KIAA1217: variants seen among roughly 807,000 people sequenced by gnomAD.
KIAA1217 encodes sickle tail protein homolog.
KIAA1217 carries 88 observed loss-of-function variants against 163.9 expected under a neutral mutation model. The observed-to-expected ratio is 0.54, with a 90% CI of 0.45 to 0.64. KIAA1217 has a LOEUF of 0.64. Among genes scored for constraint, KIAA1217 ranks in the 30% least tolerant of loss-of-function variants. KIAA1217 has a pLI of 0.00. For missense variants in KIAA1217, 2,372 were observed against 2,475.0 expected, an observed-to-expected ratio of 0.96 and a Z score of 0.88; for synonymous variants, 903 against 923.1, an observed-to-expected ratio of 0.98 and a Z score of 0.39.
At chr10:23,827,899 T>TG (rs1564456209) in intron 1 of KIAA1217, among the ~76,000 whole-genome samples, 1 of 152,074 alleles carries the variant, frequency 6.6e-6, no homozygotes, top group Admixed American at 6.6e-5. Context: ...GGCCTCTAGG[T>TG]GGTCTTAAAG....
intron 2 of KIAA1217, among the ~76,000 whole-genome samples, chr10:24,311,693 G>T (rs1011434228): frequency 6.6e-6 from 1 of 152,152 alleles, no homozygotes; most frequent in Non-Finnish European, 1.5e-5. Context: ...TTTGAGCTGG[G>T]GTTTCTTGTA....
intron 3 of KIAA1217, among the ~76,000 whole-genome samples, chr10:24,425,549 GT>G (rs1278492530): frequency 6.6e-6 from 1 of 152,154 alleles, no homozygotes; most frequent in African/African-American, 2.4e-5. Context: ...ATAAAATACA[GT>G]TTTTTCACAT....
At chr10:23,790,615 GTATA>G (rs72548156) in intron 1 of KIAA1217, among the ~76,000 whole-genome samples, 1 of 83,534 alleles carries the variant, frequency 1.2e-5, no homozygotes, top group Admixed American at 1.2e-4. Flanking sequence ...ATATACATAT[GTATA>G]TATACATATA....
intron 2 of KIAA1217, among the ~76,000 whole-genome samples, chr10:24,080,239 G>A (rs2061495805): frequency 6.6e-6 from 1 of 152,216 alleles, no homozygotes; most frequent in Non-Finnish European, 1.5e-5. Context: ...CCCTTCTGTT[G>A]GAGATGGCTG....
intron 1 of KIAA1217, among the ~76,000 whole-genome samples, chr10:23,734,739 T>A (rs1216971833): frequency 6.6e-6 from 1 of 152,360 alleles, no homozygotes; most frequent in Non-Finnish European, 1.5e-5. Flanking sequence ...TCATCCATGT[T>A]GCTGCATTTA....
chr10:24,538,566 GAGGAAGGA>G (rs1220062160), intron 17 of KIAA1217, among the ~76,000 whole-genome samples: 397 of 83,950 alleles, frequency 4.7e-3, no homozygotes, highest in Middle Eastern at 0.027. Context: ...GGGAGGGAGG[GAGGAAGGA>G]AGGAAGGAAG....
At chr10:24,126,419 C>T (rs374225846) in intron 2 of KIAA1217, among the ~76,000 whole-genome samples, 1 of 152,080 alleles carries the variant, frequency 6.6e-6, no homozygotes, top group Non-Finnish European at 1.5e-5. Context: ...TCACTTAAAA[C>T]ATGTTAGATA....
At chr10:23,964,565 A>T (rs1844972215) in intron 1 of KIAA1217, among the ~76,000 whole-genome samples, 1 of 151,342 alleles carries the variant, frequency 6.6e-6, no homozygotes, top group Admixed American at 6.6e-5. Flanking sequence ...ACTATGTAAC[A>T]GTTGAATTTT....
intron 2 of KIAA1217, among the ~76,000 whole-genome samples, chr10:24,126,263 T>C (rs943813069): frequency 6.6e-6 from 1 of 152,228 alleles, no homozygotes. Flanking sequence ...TTTCAGATCA[T>C]TGATTATGCT....
At chr10:23,899,159 T>C (rs1841846993) in intron 1 of KIAA1217, among the ~76,000 whole-genome samples, 1 of 152,162 alleles carries the variant, frequency 6.6e-6, no homozygotes, top group Admixed American at 6.5e-5. Flanking sequence ...GTATTCATAT[T>C]GTGTGCACCT....
intron 2 of KIAA1217, among the ~76,000 whole-genome samples, chr10:24,161,655 T>C (rs1407742765): frequency 6.6e-6 from 1 of 152,196 alleles, no homozygotes; most frequent in Non-Finnish European, 1.5e-5. Flanking sequence ...ATAAAGAAAG[T>C]TCAAGTCTAG....
intron 1 of KIAA1217, among the ~76,000 whole-genome samples, chr10:23,809,286 A>G (rs1481179218): frequency 2.0e-5 from 3 of 152,062 alleles, no homozygotes; most frequent in South Asian, 4.1e-4. Flanking sequence ...AACAAGGGAC[A>G]TAGGTTGGGA....
chr10:24,093,713 A>G (rs1373344674), intron 2 of KIAA1217, among the ~76,000 whole-genome samples: 1 of 150,670 alleles, frequency 6.6e-6, no homozygotes, highest in Non-Finnish European at 1.5e-5. Context: ...GGTTAGTTAC[A>G]TATGTATACA....
intron 1 of KIAA1217, among the ~76,000 whole-genome samples, chr10:23,974,450 C>T (rs891923492): frequency 7.2e-5 from 11 of 152,000 alleles, no homozygotes; most frequent in East Asian, 5.8e-4. Context: ...TCTACAAATG[C>T]GGTTATTAAT....
At chr10:23,919,408 C>G (rs1270987596) in intron 1 of KIAA1217, among the ~76,000 whole-genome samples, 1 of 151,876 alleles carries the variant, frequency 6.6e-6, no homozygotes, top group African/African-American at 2.4e-5. Context: ...GAGTTCAAGA[C>G]CAGCCTGGGC....
At chr10:24,001,515 C>T (rs903935253) in intron 1 of KIAA1217, among the ~76,000 whole-genome samples, 42 of 152,018 alleles carry the variant, frequency 2.8e-4, no homozygotes, top group African/African-American at 8.2e-4. Flanking sequence ...TTACTGTATA[C>T]CAGGGAGGTT....
chr10:24,314,767 C>T (rs183741691), intron 2 of KIAA1217, among the ~76,000 whole-genome samples: 4 of 151,792 alleles, frequency 2.6e-5, no homozygotes, highest in Non-Finnish European at 5.9e-5. Context: ...ACAGTGAAAC[C>T]CCATCTCTAC....
chr10:24,438,275 C>T (rs1428808639), intron 4 of KIAA1217, 111 bp from the exon 5 acceptor site: 1 of 737,706 alleles, frequency 1.4e-6, no homozygotes, highest in Non-Finnish European at 2.4e-6. Context: ...CTGTAGATAG[C>T]CTTTGGATTG....
chr10:24,221,749 A>G lies in KIAA1217; in HGVS notation c.354+1840A>G, dbSNP rs138419932. ...TGATTAATTCTTTGATAATTTTAAA[A>G]AGACTCTGGGCACAGTGGTTCATGC... On this transcript the variant is annotated intron_variant, in intron 2 of 20. Transcript: ENST00000376454. 2.6e-3 allele frequency among the ~76,000 whole-genome samples: 397 copies of G among 152,308 alleles called. 3 individuals carry two copies. Among genetic ancestry groups the G allele is most frequent in the African/African-American group, 9.1e-3 (379 of 41,564 alleles).
Sources: gnomAD v4.1 joint callset for allele counts (sites outside exome capture counted in the v4.1 genomes callset) on GRCh38, gnomAD v4.1.1 for gene constraint, MANE v1.5 for transcripts, NCBI Gene and HGNC (gene_info 2026-07-23, HGNC 2026-07-21) for gene names.